The following RANBP2 variants were observed in gnomAD, a reference collection of about 807,000 sequenced individuals.
RANBP2 encodes the protein E3 SUMO-protein ligase RanBP2.
RANBP2 carries 57 observed loss-of-function variants against 303.6 expected under a neutral mutation model. The ratio of observed to expected loss-of-function variants is 0.19; its 90% CI spans 0.15 to 0.23. The LOEUF (loss-of-function observed/expected upper bound fraction) is 0.23. Among genes scored for constraint, RANBP2 ranks in the 10% least tolerant of loss-of-function variants. The probability of loss-of-function intolerance (pLI) is 1.00; values close to 1 mark genes in which losing one functional copy is unlikely to be tolerated. For missense variants in RANBP2, 3,138 were observed against 3,780.8 expected (o/e 0.83, Z 4.46); for synonymous variants, 1,167 against 1,301.5 (o/e 0.90, Z 2.23).
chr2:109,761,257 CCTTT>C, the RANBP2 span, among the ~76,000 whole-genome samples: 1 of 148,360 alleles, frequency 6.7e-6, no homozygotes, highest in Non-Finnish European at 1.5e-5. Context: ...TCGGCTGCAT[CCTTT>C]CTGTCTCTCC....
the RANBP2 span, among the ~76,000 whole-genome samples, chr2:108,886,644 C>T: frequency 6.6e-6 from 1 of 151,932 alleles, no homozygotes; most frequent in Non-Finnish European, 1.5e-5. Flanking sequence ...CATCTCCTGA[C>T]CTCATGGTCC....
At chr2:109,724,849 G>C in the RANBP2 span, among the ~76,000 whole-genome samples, 2 of 152,198 alleles carry the variant, frequency 1.3e-5, no homozygotes, top group Non-Finnish European at 2.9e-5. Flanking sequence ...CAAAAGTAGG[G>C]AGGGCACGGA....
the RANBP2 span, among the ~76,000 whole-genome samples, chr2:109,337,943 G>A: frequency 6.6e-6 from 1 of 151,876 alleles, no homozygotes; most frequent in Non-Finnish European, 1.5e-5. Flanking sequence ...CGTTACCCCG[G>A]CTGGTCTGGA....
At chr2:109,366,999 G>C in the RANBP2 span, among the ~76,000 whole-genome samples, 1 of 152,160 alleles carries the variant, frequency 6.6e-6, no homozygotes, top group Non-Finnish European at 1.5e-5. Flanking sequence ...TCTCGCCCAG[G>C]CTGGAGTGGA....
At chr2:109,674,239 A>AC in the RANBP2 span, among the ~76,000 whole-genome samples, 1,216 of 148,022 alleles carry the variant, frequency 8.2e-3, 5 homozygotes, top group Middle Eastern at 0.014. Flanking sequence ...GAATTTAACA[A>AC]CCCCCCCCCA....
chr2:108,930,815 G>T, the RANBP2 span: 1 of 866,398 alleles, frequency 1.2e-6, no homozygotes, highest in Non-Finnish European at 1.9e-6. Context: ...TCTGTGCTTT[G>T]CAGGCCTGGT....
chr2:109,285,643 G>T, the RANBP2 span, among the ~76,000 whole-genome samples: 1 of 152,218 alleles, frequency 6.6e-6, no homozygotes, highest in African/African-American at 2.4e-5. Flanking sequence ...TGTCATCTGT[G>T]TCAGTCCTCT....
chr2:108,888,820 T>A, the RANBP2 span, among the ~76,000 whole-genome samples: 7 of 152,012 alleles, frequency 4.6e-5, no homozygotes, highest in African/African-American at 1.7e-4. Flanking sequence ...CTCTGATCTT[T>A]ATTATTTCTT....
the RANBP2 span, among the ~76,000 whole-genome samples, chr2:109,224,267 A>G: frequency 6.6e-6 from 1 of 152,240 alleles, no homozygotes. Context: ...TACCAAGCAT[A>G]GTAAAATAAG....
At chr2:109,575,171 G>T in the RANBP2 span, among the ~76,000 whole-genome samples, 2 of 152,172 alleles carry the variant, frequency 1.3e-5, no homozygotes, top group African/African-American at 4.8e-5. Flanking sequence ...TCATTCACAT[G>T]CTGGGTCCCT....
the RANBP2 span, among the ~76,000 whole-genome samples, chr2:109,258,583 A>C: frequency 6.6e-6 from 1 of 152,168 alleles, no homozygotes; most frequent in Non-Finnish European, 1.5e-5. Flanking sequence ...CCAGTCAGTC[A>C]TCCCGCAATT....
the RANBP2 span, among the ~76,000 whole-genome samples, chr2:109,526,604 G>A: frequency 2.0e-5 from 3 of 152,134 alleles, no homozygotes; most frequent in African/African-American, 7.2e-5. Context: ...GAGCCACCAC[G>A]CCCGGCTCAC....
At chr2:109,399,613 A>G in the RANBP2 span, among the ~76,000 whole-genome samples, 2 of 152,198 alleles carry the variant, frequency 1.3e-5, no homozygotes, top group Non-Finnish European at 2.9e-5. Flanking sequence ...ACAAGCAACC[A>G]ATCAGTCAAT....
chr2:109,679,626 T>C, the RANBP2 span, among the ~76,000 whole-genome samples: 2 of 152,192 alleles, frequency 1.3e-5, no homozygotes, highest in African/African-American at 4.8e-5. Context: ...TCTGGTTACT[T>C]GGCTTCAAGA....
downstream of RANBP2, among the ~76,000 whole-genome samples, chr2:108,787,368 C>A (rs1210789673): frequency 6.6e-6 from 1 of 152,212 alleles, no homozygotes; most frequent in Non-Finnish European, 1.5e-5. Context: ...CTCTCCCCTT[C>A]CCTCCCTACA....
chr2:109,477,688 G>A, the RANBP2 span, among the ~76,000 whole-genome samples: 5 of 152,076 alleles, frequency 3.3e-5, no homozygotes, highest in Admixed American at 1.3e-4. Context: ...ACAGTTTTGC[G>A]GGCTGGAAGT....
the RANBP2 span, among the ~76,000 whole-genome samples, chr2:109,062,686 A>G: frequency 3.3e-5 from 5 of 152,192 alleles, no homozygotes; most frequent in Non-Finnish European, 5.9e-5. Flanking sequence ...CCTTCCGAAC[A>G]GCGAATCCTC....
intron 7 of RANBP2, among the ~76,000 whole-genome samples, chr2:108,744,618 TG>T (rs1696369602): frequency 6.6e-6 from 1 of 152,250 alleles, no homozygotes; most frequent in Admixed American, 6.5e-5. Context: ...GGCTTTGACA[TG>T]ATGTTTAGAA....
the RANBP2 span, among the ~76,000 whole-genome samples, chr2:109,277,185 C>G: frequency 6.6e-6 from 1 of 152,086 alleles, no homozygotes; most frequent in African/African-American, 2.4e-5. Context: ...AGAAACAGTT[C>G]CCAGAATTTC....
Sources: allele counts gnomAD v4.1 joint callset (sites outside exome capture counted in the v4.1 genomes callset), GRCh38; gene constraint gnomAD v4.1.1; transcripts MANE v1.5; gene names NCBI Gene and HGNC (gene_info 2026-07-23, HGNC 2026-07-21).